CEP162: variants seen among roughly 807,000 people sequenced by gnomAD.
CEP162 encodes the protein centrosomal protein 162.
In CEP162, 141 loss-of-function variants were observed where a neutral mutation model predicts 169.2. The ratio of observed to expected loss-of-function variants is 0.83; its 90% CI spans 0.73 to 0.96. CEP162 has a LOEUF of 0.96. CEP162 is among the 40% of genes least tolerant of loss of function. The pLI is 0.00. For synonymous variants in CEP162, 540 were observed against 526.4 expected (o/e 1.03, Z -0.35); for missense variants, 1,600 against 1,587.2 (o/e 1.01, Z -0.14).
chr6:84,134,919 T>TAC (rs35312098), intron 25 of CEP162, among the ~76,000 whole-genome samples: 2,336 of 148,316 alleles, frequency 0.016, 41 homozygotes, highest in African/African-American at 0.043. Flanking sequence ...AGATCATATA[T>TAC]ACACACACAC....
At chr6:84,147,008 A>G (rs1013572669) in intron 24 of CEP162, among the ~76,000 whole-genome samples, 2 of 152,156 alleles carry the variant, frequency 1.3e-5, no homozygotes, top group African/African-American at 4.8e-5. Flanking sequence ...ATCCAAAGGA[A>G]AAGAAATTTG....
In CEP162 at chr6:84,152,164, C is replaced by T. The variant is rs116608174; in HGVS notation, c.3629+381G>A. Among the ~76,000 whole-genome samples, 400 of 152,264 alleles carry T rather than the reference C, an allele frequency of 2.6e-3. 4 individuals are homozygous for T. The highest frequency in any genetic ancestry group is 8.9e-3 in the African/African-American group (368 of 41,552). Reference sequence around the variant, plus strand: ...AAGAGGACCTTTTCCTTTTAGACTGCCAACTAGCTTTAACAATAACTGTTT... The same window carrying T: ...AAGAGGACCTTTTCCTTTTAGACTGTCAACTAGCTTTAACAATAACTGTTT... On this transcript the variant is annotated intron_variant, in intron 23 of 26. Transcript: ENST00000403245.
At chr6:84,200,443 T>C (rs572146217) in intron 9 of CEP162, among the ~76,000 whole-genome samples, 1 of 152,294 alleles carries the variant, frequency 6.6e-6, no homozygotes, top group African/African-American at 2.4e-5. Context: ...AAAAGCACAA[T>C]AAGACCAAAG....
intron 13 of CEP162, among the ~76,000 whole-genome samples, chr6:84,179,502 C>T (rs960481408): frequency 6.6e-6 from 1 of 152,266 alleles, no homozygotes; most frequent in East Asian, 1.9e-4. Flanking sequence ...ATCCTTCACC[C>T]ACTTTTTGAT....
chr6:84,153,178 A>C lies in CEP162; in HGVS notation c.2996T>G (p.Ile999Ser). ...TMEQQFQKMK[I>S]QYEQRLEQQE... ...CTGCTCTAGTCTTTGTTCATACTGA[A>C]TCTGAAGGAAAGAATCCATGTAATG... The change falls in exon 23 of 27, where the codon ATT becomes AGT. Residue 999 changes from isoleucine to serine, a missense_variant and splice_region_variant. Ile to Ser is a moderately radical substitution (Grantham distance 142). Coordinates refer to ENST00000403245, the MANE Select transcript of CEP162 (RefSeq NM_014895.4). 1 of 1,587,860 alleles carries C rather than the reference A, an allele frequency of 6.3e-7. No homozygotes were observed. Among genetic ancestry groups the C allele is most frequent in the Non-Finnish European group, 8.5e-7 (1 of 1,171,548 alleles).
intron 25 of CEP162, among the ~76,000 whole-genome samples, chr6:84,140,127 C>G (rs1045035369): frequency 6.6e-6 from 1 of 152,138 alleles, no homozygotes; most frequent in Non-Finnish European, 1.5e-5. Context: ...TGGCTTGTGT[C>G]AGGCAGCCAG....
intron 11 of CEP162, among the ~76,000 whole-genome samples, chr6:84,190,550 C>T (rs911011187): frequency 2.0e-5 from 3 of 152,120 alleles, no homozygotes; most frequent in Admixed American, 6.5e-5. Context: ...CTGAGCCCAG[C>T]GAGACCACGA....
intron 25 of CEP162, among the ~76,000 whole-genome samples, chr6:84,145,006 T>TC: frequency 6.6e-6 from 1 of 152,138 alleles, no homozygotes; most frequent in Non-Finnish European, 1.5e-5. Flanking sequence ...AGTTATACTA[T>TC]CAAGGCTTTG....
At position 84,179,110 on chromosome 6, in the gene CEP162, G is replaced by A. The variant is rs546098852; in HGVS notation, c.1664-3763C>T. Among the ~76,000 whole-genome samples, 9 of 152,194 alleles carry A rather than the reference G, an allele frequency of 5.9e-5. No individual in the cohort carries two copies. In the East Asian group the frequency reaches 7.7e-4, roughly 13 times the overall value. ...AGTTTTTGCTATTGTGAATAGTGCC[G>A]CAATAAACATACATGTGCATCTGTC... On this transcript the variant is annotated intron_variant, in intron 13 of 26. Transcript: ENST00000403245.
intron 6 of CEP162, among the ~76,000 whole-genome samples, chr6:84,211,526 CA>C (rs960472453): frequency 0.056 from 1,987 of 35,548 alleles, 20 homozygotes; most frequent in African/African-American, 0.11. Context: ...GATTCTATCT[CA>C]AAAAAAAAAA....
chr6:84,224,540 G>A (rs374447817), intron 2 of CEP162, among the ~76,000 whole-genome samples: 1 of 152,170 alleles, frequency 6.6e-6, no homozygotes, highest in Non-Finnish European at 1.5e-5. Context: ...TGTGAATTAT[G>A]TCTCAATAAA....
At chr6:84,193,728 A>G (rs1339827285) in intron 10 of CEP162, 38 bp from the exon 11 acceptor site, 9 of 1,308,440 alleles carry the variant, frequency 6.9e-6, no homozygotes, top group Non-Finnish European at 9.5e-6. Context: ...GAAAAATGTT[A>G]TGTAGGTTGC....
intron 18 of CEP162, among the ~76,000 whole-genome samples, chr6:84,164,068 G>A (rs2099526821): frequency 1.3e-5 from 2 of 148,896 alleles, no homozygotes; most frequent in Non-Finnish European, 3.0e-5. Flanking sequence ...CTCAAAAGAC[G>A]ACATTTATGC....
chr6:84,211,448 G>GC (rs1004848879), intron 6 of CEP162, among the ~76,000 whole-genome samples: 1 of 148,438 alleles, frequency 6.7e-6, no homozygotes, highest in Non-Finnish European at 1.5e-5. Context: ...AATGGCATGA[G>GC]CCCGGGAGGC....
At chr6:84,207,239 A>C (rs1433440865) in intron 6 of CEP162, among the ~76,000 whole-genome samples, 2 of 152,224 alleles carry the variant, frequency 1.3e-5, no homozygotes, top group African/African-American at 4.8e-5. Flanking sequence ...AAGGATTATA[A>C]ATTATGCTAC....
chr6:84,129,719 G>T (rs977394570), intron 25 of CEP162, among the ~76,000 whole-genome samples: 1 of 152,008 alleles, frequency 6.6e-6, no homozygotes, highest in Non-Finnish European at 1.5e-5. Context: ...ACTGCTTTTG[G>T]TGTTTTAGTC....
chr6:84,137,049 C>T lies in CEP162; in HGVS notation c.3870+9638G>A, dbSNP rs535170600. Among the ~76,000 whole-genome samples, 5 of 152,308 alleles carry T rather than the reference C, an allele frequency of 3.3e-5. No homozygotes were observed. The East Asian group carries it at 9.6e-4, about 29-fold the overall frequency. On this transcript the variant is annotated intron_variant, in intron 25 of 26. Coordinates refer to ENST00000403245, the MANE Select transcript of CEP162 (RefSeq NM_014895.4). ...GTGCAAGGATTAGTATAAGAGATAT[C>T]GGTTCTTGTGGAGCATGCGGCATCT...
chr6:84,211,307 T>C (rs1226445335), intron 6 of CEP162, among the ~76,000 whole-genome samples: 2 of 151,084 alleles, frequency 1.3e-5, no homozygotes, highest in African/African-American at 4.9e-5. Flanking sequence ...GGCAGGCAGA[T>C]CATGAGGTCA....
rs769807195 is a variant in CEP162 at position 84,221,113 on chromosome 6, A to T, written c.116T>A (p.Met39Lys). 3 of 1,604,180 alleles carry T rather than the reference A, an allele frequency of 1.9e-6. No homozygotes were observed. ...DKTARQSKKE[M>K]KKKDTVPWWI... ...CCAAGGCACTGTATCTTTCTTCTTCATCTCTTTTTTAGATTGTCTAGCTGT... is the reference window on the plus strand; with the variant it reads ...CCAAGGCACTGTATCTTTCTTCTTCTTCTCTTTTTTAGATTGTCTAGCTGT... The change falls in exon 3 of 27, where the codon ATG becomes AAG. Residue 39 changes from methionine (M) to lysine (K), a missense_variant. Coordinates refer to ENST00000403245, the MANE Select transcript of CEP162 (RefSeq NM_014895.4).
Sources: allele counts gnomAD v4.1 joint callset (sites outside exome capture counted in the v4.1 genomes callset), GRCh38; gene constraint gnomAD v4.1.1; transcripts MANE v1.5; gene names NCBI Gene and HGNC (gene_info 2026-07-23, HGNC 2026-07-21).